The following MYO5B variants were observed in gnomAD, a reference collection of about 807,000 sequenced individuals.
MYO5B encodes the protein unconventional myosin-Vb.
MYO5B carries 143 observed loss-of-function variants against 229.3 expected under a neutral mutation model. That is an observed-to-expected ratio of 0.62 (90% confidence interval 0.54 to 0.72). MYO5B has a LOEUF of 0.72. Among genes scored for constraint, MYO5B ranks in the 30% least tolerant of loss-of-function variants. The pLI is 0.00. For synonymous variants in MYO5B, 918 were observed against 885.2 expected, an observed-to-expected ratio of 1.04 and a Z score of -0.66; for missense variants, 2,321 against 2,331.0, an observed-to-expected ratio of 1.00 and a Z score of 0.09.
chr18:49,904,395 T>C (rs558281213), intron 20 of MYO5B, among the ~76,000 whole-genome samples: 96 of 152,326 alleles, frequency 6.3e-4, no homozygotes, highest in Middle Eastern at 3.4e-3. Flanking sequence ...AATTGTGAAC[T>C]TTCTGGCCAC....
chr18:49,848,171 C>T (rs1039932764), intron 32 of MYO5B, among the ~76,000 whole-genome samples: 4 of 152,228 alleles, frequency 2.6e-5, no homozygotes, highest in East Asian at 3.8e-4. Context: ...TAAGGAGACA[C>T]ATCTGTACAT....
At chr18:50,057,892 C>G (rs1444006964) in intron 1 of MYO5B, among the ~76,000 whole-genome samples, 1 of 152,170 alleles carries the variant, frequency 6.6e-6, no homozygotes, top group Non-Finnish European at 1.5e-5. Context: ...ACTACTTACT[C>G]TTCCATTCCT....
chr18:50,152,921 A>G (rs1168305599), intron 1 of MYO5B, among the ~76,000 whole-genome samples: 1 of 151,814 alleles, frequency 6.6e-6, no homozygotes, highest in Non-Finnish European at 1.5e-5. Context: ...CCTTGTTCAT[A>G]TATTGGTGAA....
chr18:50,127,660 T>C (rs1478165914), intron 1 of MYO5B, among the ~76,000 whole-genome samples: 3 of 152,186 alleles, frequency 2.0e-5, no homozygotes. Context: ...GGGATTTAGG[T>C]GGGGCTTTAA....
intron 5 of MYO5B, among the ~76,000 whole-genome samples, chr18:49,993,890 A>C (rs149182223): frequency 6.6e-6 from 1 of 152,288 alleles, no homozygotes; most frequent in African/African-American, 2.4e-5. Context: ...ACAACTTTCA[A>C]ATCCTTAGCA....
intron 2 of MYO5B, among the ~76,000 whole-genome samples, chr18:50,043,382 A>ATTTAAATATATTAAATATTAAATAT (rs1356252178): frequency 3.0e-5 from 3 of 101,220 alleles, no homozygotes; most frequent in South Asian, 5.6e-4. Context: ...TATATAATAT[A>ATTTAAATATATTAAATATTAAATAT]TTAAATATAT....
intron 1 of MYO5B, among the ~76,000 whole-genome samples, chr18:50,145,167 T>C (rs930035325): frequency 6.6e-6 from 1 of 152,088 alleles, no homozygotes; most frequent in Admixed American, 6.6e-5. Flanking sequence ...AGTGACCTAC[T>C]TCTGGGTGTC....
intron 11 of MYO5B, 53 bp downstream of exon 11, chr18:49,962,896 C>G: frequency 6.8e-7 from 1 of 1,470,850 alleles, no homozygotes. Context: ...GTCTGTCCCT[C>G]CCAGAGGAGT....
At position 50,154,582 on chromosome 18, in the gene MYO5B, G is replaced by A. The variant is rs150995549; in HGVS notation, c.27+40185C>T. On this transcript the variant is annotated intron_variant, in intron 1 of 39. Transcript: ENST00000285039. ...TTCTATTCCACAGAAGCACATTCGA[G>A]TTCACATTTGTTACCTATTATCTGG... Among the ~76,000 whole-genome samples, 184 of 152,268 alleles carry A rather than the reference G, an allele frequency of 1.2e-3. 1 individual carries two copies. Among genetic ancestry groups the A allele is most frequent in the African/African-American group, 4.3e-3 (177 of 41,536 alleles).
intron 2 of MYO5B, among the ~76,000 whole-genome samples, chr18:50,054,801 A>G (rs2030499982): frequency 6.6e-6 from 1 of 152,216 alleles, no homozygotes; most frequent in Non-Finnish European, 1.5e-5. Context: ...AGCCCTAGAT[A>G]AACTAGCACT....
At chr18:50,077,484 AACACACACACACACACAAACACACACAC>A (rs1399649420) in intron 1 of MYO5B, among the ~76,000 whole-genome samples, 2 of 108,146 alleles carry the variant, frequency 1.8e-5, no homozygotes, top group African/African-American at 6.4e-5. Flanking sequence ...ATCAAGGCAA[AACACACACACACACACAAACACACACAC>A]ACACACACAC....
intron 1 of MYO5B, chr18:50,097,542 CAACAACA>C (rs2031576025): frequency 3.6e-6 from 1 of 280,140 alleles, no homozygotes; most frequent in Non-Finnish European, 7.1e-6. Flanking sequence ...CTTCACTGAA[CAACAACA>C]CTCATTTAGA....
rs533546112 is a variant in MYO5B at position 49,847,529 on chromosome 18, C to T, written c.4316-240G>A. 2.0e-5 allele frequency among the ~76,000 whole-genome samples: 3 copies of T among 152,328 alleles called. No homozygotes were observed. The East Asian group carries it at 5.8e-4, about 29-fold the overall frequency. ...AGTGTGAGGAGCTCAGCATCCAGCA[C>T]TGGGGTCCACACTCTGGATAGGGGA... On this transcript the variant is annotated intron_variant, in intron 32 of 39. Transcript: ENST00000285039.
chr18:50,090,227 C>T (rs1018633388), intron 1 of MYO5B, among the ~76,000 whole-genome samples: 1 of 151,462 alleles, frequency 6.6e-6, no homozygotes, highest in Admixed American at 6.6e-5. Flanking sequence ...ATCAAATCAC[C>T]ATCTACAGGG....
At chr18:50,158,891 A>G (rs1020862114) in intron 1 of MYO5B, among the ~76,000 whole-genome samples, 1 of 152,170 alleles carries the variant, frequency 6.6e-6, no homozygotes, top group African/African-American at 2.4e-5. Context: ...ATGGATTACC[A>G]TGAAGTCCTC....
intron 7 of MYO5B, among the ~76,000 whole-genome samples, 156 bp from the exon 8 acceptor site, chr18:49,984,981 C>T (rs73442518): frequency 0.013 from 1,904 of 152,268 alleles, 40 homozygotes; most frequent in African/African-American, 0.043. Flanking sequence ...TTATCCACAA[C>T]GGCAAATGGG....
intron 1 of MYO5B, among the ~76,000 whole-genome samples, chr18:50,152,937 TAATAGATTCCACCC>T (rs1254881478): frequency 1.3e-5 from 2 of 150,528 alleles, no homozygotes; most frequent in Non-Finnish European, 3.0e-5. Context: ...GTGAATTCTA[TAATAGATTCCACCC>T]TTCAGGCAAG....
intron 10 of MYO5B, among the ~76,000 whole-genome samples, chr18:49,963,274 T>C (rs1208291623): frequency 6.6e-6 from 1 of 152,072 alleles, no homozygotes; most frequent in African/African-American, 2.4e-5. Context: ...AAAGAAAGTT[T>C]AAAAAAGAAA....
At chr18:50,050,020 G>A (rs768032991) in intron 2 of MYO5B, among the ~76,000 whole-genome samples, 9 of 152,064 alleles carry the variant, frequency 5.9e-5, no homozygotes, top group Non-Finnish European at 1.2e-4. Context: ...TAGACAAGAT[G>A]ACTAATTAGT....
Sources: allele counts gnomAD v4.1 joint callset (sites outside exome capture counted in the v4.1 genomes callset), GRCh38; gene constraint gnomAD v4.1.1; transcripts MANE v1.5; gene names NCBI Gene and HGNC (gene_info 2026-07-23, HGNC 2026-07-21).